Variants in GSE1 observed in about 807,000 individuals in gnomAD.
GSE1 encodes Gse1 coiled-coil protein, also known as genetic suppressor element 1.
Under a neutral mutation model 112.6 loss-of-function variants are expected in GSE1, and 32 were observed. That is an observed-to-expected ratio of 0.28 (90% CI 0.21 to 0.38). The LOEUF (loss-of-function observed/expected upper bound fraction) is 0.38, where lower values mean the gene tolerates loss of function less well. Ranked by LOEUF, GSE1 falls within the 10% of genes least tolerant of loss-of-function variation. The pLI, the probability that GSE1 is intolerant of heterozygous loss-of-function variation, is 1.00. For synonymous variants in GSE1, 1,115 were observed against 735.6 expected (o/e 1.52, Z -8.35); for missense variants, 2,348 against 1,699.2 (o/e 1.38, Z -6.71).
Position 85,672,719 on chromosome 16 carries a change from A to G in GSE1, c.*180A>G, listed in dbSNP as rs906554808. ...ATGAACTCACCTTGACGTCAATGCA[A>G]TTGAATCACCGTTGTCATTCAGCGA... On this transcript the variant is annotated 3_prime_UTR_variant, in exon 16 of 16. Coordinates refer to ENST00000253458, the MANE Select transcript of GSE1 (RefSeq NM_014615.5). The G allele has an allele frequency of 1.9e-5, 8 of 431,202 alleles. No individual in the cohort carries two copies. The highest frequency in any genetic ancestry group is 8.0e-5 in the African/African-American group (4 of 50,234). 26.7% of individuals were successfully genotyped at this position (431,202 alleles called of 1,614,324 possible). A position where few individuals can be genotyped will look rare whatever the true frequency, so the allele number is the denominator to read the frequency against.
intron 2 of GSE1, among the ~76,000 whole-genome samples, chr16:85,487,507 T>G (rs757024534): frequency 1.3e-5 from 2 of 152,162 alleles, no homozygotes; most frequent in African/African-American, 2.4e-5. Context: ...GAGCCCACAG[T>G]GACCACATTA....
At chr16:85,634,568 G>A (rs928070806) in intron 2 of GSE1, among the ~76,000 whole-genome samples, 1 of 152,140 alleles carries the variant, frequency 6.6e-6, no homozygotes, top group African/African-American at 2.4e-5. Context: ...GGTGTCCCTG[G>A]AAACACAGTG....
At chr16:85,660,114 G>C (rs1326571095) in intron 8 of GSE1, among the ~76,000 whole-genome samples, 3 of 152,250 alleles carry the variant, frequency 2.0e-5, no homozygotes, top group African/African-American at 7.2e-5. Flanking sequence ...TCCCTACAAG[G>C]CACAGCAGGA....
intron 1 of GSE1, among the ~76,000 whole-genome samples, chr16:85,277,395 C>G (rs993921370): frequency 1.3e-5 from 2 of 152,168 alleles, no homozygotes; most frequent in African/African-American, 4.8e-5. Flanking sequence ...GAACCCACCC[C>G]TGAAAGGCGG....
chr16:85,254,508 G>A (rs1258712403), intron 1 of GSE1, among the ~76,000 whole-genome samples: 2 of 152,214 alleles, frequency 1.3e-5, no homozygotes, highest in African/African-American at 4.8e-5. Context: ...CTGACCCCAG[G>A]AGGTCTGGCA....
intron 2 of GSE1, among the ~76,000 whole-genome samples, chr16:85,473,742 C>T (rs1231485257): frequency 2.6e-5 from 4 of 152,174 alleles, no homozygotes; most frequent in South Asian, 2.1e-4. Context: ...CGCACAGGTT[C>T]CAAGGACAGA....
At chr16:85,347,635 T>C (rs2046770540) in intron 1 of GSE1, among the ~76,000 whole-genome samples, 1 of 150,006 alleles carries the variant, frequency 6.7e-6, no homozygotes, top group Non-Finnish European at 1.5e-5. Flanking sequence ...CCAATGTTTC[T>C]GTCGCCAGTG....
At chr16:85,178,255 C>A (rs529600663) in intron 1 of GSE1, among the ~76,000 whole-genome samples, 46 of 152,278 alleles carry the variant, frequency 3.0e-4, no homozygotes, top group Admixed American at 6.5e-4. Flanking sequence ...GAAAAGGATT[C>A]AGCCAAGTCC....
At chr16:85,667,719 C>CT (rs1167455784) in intron 13 of GSE1, among the ~76,000 whole-genome samples, 5 of 152,140 alleles carry the variant, frequency 3.3e-5, no homozygotes, top group Non-Finnish European at 5.9e-5. Context: ...ATTAGCTGGG[C>CT]ATGGTGGCAC....
At chr16:85,457,848 T>C (rs554380350) in intron 2 of GSE1, among the ~76,000 whole-genome samples, 1 of 152,284 alleles carries the variant, frequency 6.6e-6, no homozygotes, top group African/African-American at 2.4e-5. Context: ...CAACCAACAT[T>C]TATTAAGGAC....
chr16:85,362,992 T>C (rs2047114886), intron 2 of GSE1, among the ~76,000 whole-genome samples: 1 of 152,056 alleles, frequency 6.6e-6, no homozygotes, highest in Admixed American at 6.6e-5. Context: ...TACTCCACCA[T>C]GCCCAGCTAA....
chr16:85,180,435 C>T (rs955031666), intron 1 of GSE1, among the ~76,000 whole-genome samples: 20 of 152,300 alleles, frequency 1.3e-4, no homozygotes, highest in African/African-American at 4.3e-4. Context: ...ATTTAGGTTC[C>T]GGCCCTCCAC....
intron 2 of GSE1, among the ~76,000 whole-genome samples, chr16:85,514,522 C>T (rs926782912): frequency 2.6e-5 from 4 of 151,642 alleles, no homozygotes; most frequent in East Asian, 1.9e-4. Flanking sequence ...GGCTGTGTAG[C>T]CCCCTTGCCT....
intron 1 of GSE1, among the ~76,000 whole-genome samples, chr16:85,280,163 T>C (rs74031772): frequency 0.076 from 11,638 of 152,228 alleles, 1,407 homozygotes; most frequent in African/African-American, 0.26. Flanking sequence ...AGACCCAGCT[T>C]CCCAGCAGGC....
chr16:85,655,128 C>T (rs574998121), intron 5 of GSE1, 137 bp downstream of exon 5: 3 of 666,600 alleles, frequency 4.5e-6, no homozygotes, highest in South Asian at 1.7e-5. Flanking sequence ...CTGAAATCGT[C>T]CCCAGCTTTG....
chr16:85,657,496 G>T lies in GSE1; in HGVS notation c.1532G>T (p.Arg511Leu). The T allele has an allele frequency of 6.2e-7, 1 of 1,606,234 alleles. No individual in the cohort carries two copies. Among genetic ancestry groups the T allele is most frequent in the Non-Finnish European group, 8.5e-7 (1 of 1,177,008 alleles). ...QRRLRQEKEDRQSQVSEFRQQ... is the reference protein window; with the variant it reads ...QRRLRQEKEDLQSQVSEFRQQ... Reference sequence around the variant, plus strand: ...CGGCTGCGGCAGGAGAAGGAGGACCGGCAGTCTCAGGTGTCCGAGTTCCGG... The same window carrying T: ...CGGCTGCGGCAGGAGAAGGAGGACCTGCAGTCTCAGGTGTCCGAGTTCCGG... The change falls in exon 8 of 16, where the codon CGG becomes CTG. Residue 511 changes from arginine to leucine, a missense_variant. Arg to Leu is a moderately radical substitution (Grantham distance 102). Coordinates refer to ENST00000253458, the MANE Select transcript of GSE1 (RefSeq NM_014615.5).
chr16:85,317,008 C>G (rs1418081419), intron 1 of GSE1, among the ~76,000 whole-genome samples: 2 of 152,198 alleles, frequency 1.3e-5, no homozygotes, highest in East Asian at 3.9e-4. Context: ...GGCCCCGTCC[C>G]TGCACTGCTG....
chr16:85,336,980 G>T (rs899094283), intron 1 of GSE1, among the ~76,000 whole-genome samples: 10 of 139,764 alleles, frequency 7.2e-5, no homozygotes, highest in Non-Finnish European at 1.2e-4. Flanking sequence ...ACATATACAT[G>T]GGCACACACA....
chr16:85,608,108 T>C (rs981644005), upstream of GSE1, among the ~76,000 whole-genome samples: 1 of 152,126 alleles, frequency 6.6e-6, no homozygotes, highest in South Asian at 2.1e-4. Context: ...TTGCAAGAGA[T>C]AAGATGTAAG....
Sources: gnomAD v4.1 joint callset for allele counts (sites outside exome capture counted in the v4.1 genomes callset) on GRCh38, gnomAD v4.1.1 for gene constraint, MANE v1.5 for transcripts, NCBI Gene and HGNC (gene_info 2026-07-23, HGNC 2026-07-21) for gene names.